SYNGR2: variants seen among roughly 807,000 people sequenced by gnomAD.
SYNGR2 encodes the protein synaptogyrin-2.
Under a neutral mutation model 18.7 loss-of-function variants are expected in SYNGR2, and 11 were observed. That is an observed-to-expected ratio of 0.59 (90% CI 0.37 to 0.97). The LOEUF is 0.97. SYNGR2 is among the 50% of genes least tolerant of loss of function. The pLI, the probability that SYNGR2 is intolerant of heterozygous loss-of-function variation, is 0.01. For missense variants in SYNGR2, 253 were observed against 300.7 expected (o/e 0.84, Z 1.17); for synonymous variants, 127 against 131.0 (o/e 0.97, Z 0.21).
Position 78,172,202 on chromosome 17 carries a change from G to A in SYNGR2, c.*266G>A. The A allele has an allele frequency of 1.3e-6, 1 of 750,472 alleles. No homozygotes were observed. The highest frequency in any genetic ancestry group is 2.1e-6 in the Non-Finnish European group (1 of 479,806). The allele number at this position is 750,472 out of a possible 1,614,324, so 46.5% of individuals were successfully genotyped here. On this transcript the variant is annotated 3_prime_UTR_variant, in exon 4 of 4. Transcript: ENST00000225777. ...GCTAGTGTTTTTCCTCGCTTTTAAT[G>A]ACCTCAGCCCCGCCTGCAGTGGCTA...
rs201164319 is a variant in SYNGR2, at chr17:78,171,767, G to A, written c.506G>A (p.Arg169His). Residue 169 changes from arginine (R) to histidine (H), a missense_variant, in exon 4 of 4, where the codon CGC becomes CAC. Physicochemically the swap from Arg to His is conservative, Grantham distance 29. Transcript: ENST00000225777. The surrounding 1 kb of genome is among the most constrained non-coding windows in gnomAD (Gnocchi z 6.6). ...WGVLASLAYQ[R>H]YKAGVDDFIQ... ...GTGCTGGCCTCCCTGGCCTACCAGC[G>A]CTACAAGGCTGGCGTGGACGACTTC... The A allele has an allele frequency of 1.5e-4, 241 of 1,614,020 alleles. 3 individuals carry two copies. The East Asian group carries it at 2.3e-3, about 16-fold the overall frequency.
intron 1 of SYNGR2, chr17:78,169,638 G>GA (rs1338097612): frequency 2.6e-5 from 4 of 152,410 alleles, no homozygotes; most frequent in Non-Finnish European, 5.9e-5. Context: ...ACTGGCAGGG[G>GA]AGAGTCCTGG....
rs2075664047 is a variant in SYNGR2 at position 78,172,073 on chromosome 17, C to T, written c.*137C>T. On this transcript the variant is annotated 3_prime_UTR_variant, in exon 4 of 4. Transcript: ENST00000225777. The stretch of plus-strand genomic sequence containing the variant: ...CAGCTGACACACAGCTAAGGAGCCT[C>T]ATAGCCTGGCGGGGGCTGGCAGAGC... 2.0e-6 allele frequency: 3 copies of T among 1,488,432 alleles called. No individual in the cohort carries two copies. The highest frequency in any genetic ancestry group is 1.4e-5 in the African/African-American group (1 of 71,688). The allele number at this position is 1,488,432 out of a possible 1,614,324, so 92.2% of individuals were successfully genotyped here.
chr17:78,168,906 C>T (rs903377801), intron 1 of SYNGR2, among the ~76,000 whole-genome samples, 191 bp downstream of exon 1: 1 of 152,206 alleles, frequency 6.6e-6, no homozygotes, highest in Non-Finnish European at 1.5e-5. Flanking sequence ...GCTGTCCCCT[C>T]CCGGTCCCGG....
In SYNGR2 at chr17:78,171,187, T is replaced by G; in HGVS notation, c.337+133T>G. 1 of 902,706 alleles carries G rather than the reference T, an allele frequency of 1.1e-6. No individual in the cohort carries two copies. Among genetic ancestry groups the G allele is most frequent in the Non-Finnish European group, 1.7e-6 (1 of 591,662 alleles). The allele number at this position is 902,706 out of a possible 1,614,324, so 55.9% of individuals were successfully genotyped here. ...CCTCCAGGGCATTTTTAGGAAAGGGTTTTCAGCTAGTGTTTTTCCGTGCTT... is the reference window on the plus strand; with the variant it reads ...CCTCCAGGGCATTTTTAGGAAAGGGGTTTCAGCTAGTGTTTTTCCGTGCTT... On this transcript the variant is annotated intron_variant, in intron 2 of 3. Coordinates refer to ENST00000225777, the MANE Select transcript of SYNGR2 (RefSeq NM_004710.7). The surrounding 1 kb of genome is among the most constrained non-coding windows in gnomAD (Gnocchi z 6.6).
chr17:78,172,105 C>T lies in SYNGR2; in HGVS notation c.*169C>T. On this transcript the variant is annotated 3_prime_UTR_variant, in exon 4 of 4. Transcript: ENST00000225777. Reference sequence around the variant, plus strand: ...TGGCGGGGGCTGGCAGAGCCACACCCCAAGTGCCTGTGCCCAGAGGGCTTC... The same window carrying T: ...TGGCGGGGGCTGGCAGAGCCACACCTCAAGTGCCTGTGCCCAGAGGGCTTC... 6.9e-7 allele frequency: 1 copy of T among 1,440,906 alleles called. No homozygotes were observed. The highest frequency in any genetic ancestry group is 9.1e-7 in the Non-Finnish European group (1 of 1,094,058). The allele number at this position is 1,440,906 out of a possible 1,614,324, so 89.3% of individuals were successfully genotyped here.
rs529949647 is a variant in SYNGR2, at chr17:78,168,703, C to T, written c.87C>T (p.Arg29=). ...TGACGCAGCCGCAGGTGGTGGCGCG[C>T]GCCGTGTGCTTGGTGAGCCCGGGGA... ...RFLTQPQVVA[R]AVCLVFALIV... Residue 29 remains arginine (R), a synonymous_variant, in exon 1 of 4, where the codon CGC becomes CGT. Coordinates refer to ENST00000225777, the MANE Select transcript of SYNGR2 (RefSeq NM_004710.7). The T allele has an allele frequency of 2.2e-5, 26 of 1,201,378 alleles. No individual in the cohort carries two copies. The African/African-American group carries it at 3.6e-4, about 17-fold the overall frequency. The allele number at this position is 1,201,378 out of a possible 1,614,324, so 74.4% of individuals were successfully genotyped here. A position where few individuals can be genotyped will look rare whatever the true frequency, so the allele number is the denominator to read the frequency against.
Position 78,171,679 on chromosome 17 carries a change from CA to C in SYNGR2, c.477+32del. ...GATGGCCAGGGGCCGGTTCTTGGGT[CA>C]AGGGTGGTGGAGGGTGGGGTCCCCC... is the stretch of plus-strand genomic sequence containing the variant. On this transcript the variant is annotated intron_variant, in intron 3 of 3. Transcript: ENST00000225777. The surrounding 1 kb of genome is among the most constrained non-coding windows in gnomAD (Gnocchi z 6.6). 1.2e-6 allele frequency: 2 copies of C among 1,610,998 alleles called. No individual in the cohort carries two copies. Among genetic ancestry groups the C allele is most frequent in the Non-Finnish European group, 1.7e-6 (2 of 1,177,698 alleles).
Position 78,171,705 on chromosome 17 carries a change from C to T in SYNGR2, c.478-34C>T. ...AAGGGTGGTGGAGGGTGGGGTCCCCCACCCACCTGTACCCTGCTGTGCTCC... is the reference window on the plus strand; with the variant it reads ...AAGGGTGGTGGAGGGTGGGGTCCCCTACCCACCTGTACCCTGCTGTGCTCC... On this transcript the variant is annotated intron_variant, in intron 3 of 3. Transcript: ENST00000225777. This position sits in a 1 kb window ranked among gnomAD's most constrained non-coding sequence, Gnocchi z 6.6. 1.2e-6 allele frequency: 2 copies of T among 1,613,452 alleles called. No individual in the cohort carries two copies. The highest frequency in any genetic ancestry group is 8.5e-7 in the Non-Finnish European group (1 of 1,179,578).
At position 78,170,860 on chromosome 17, in the gene SYNGR2, A is replaced by G; in HGVS notation, c.143A>G (p.Tyr48Cys). ...TTCTCCTGCATCTATGGTGAGGGCT[A>G]CAGCAATGCCCACGAGTCTAAGCAG... is the stretch of plus-strand genomic sequence containing the variant. Reference protein sequence around the residue: ...IVFSCIYGEGYSNAHESKQMY... With the variant: ...IVFSCIYGEGCSNAHESKQMY... The change falls in exon 2 of 4, where the codon TAC becomes TGC. Residue 48 changes from tyrosine (Y) to cysteine (C), a missense_variant. Transcript: ENST00000225777. 6.2e-7 allele frequency: 1 copy of G among 1,613,162 alleles called. No individual in the cohort carries two copies. The highest frequency in any genetic ancestry group is 8.5e-7 in the Non-Finnish European group (1 of 1,180,014).
rs2075662903 is a variant in SYNGR2, at chr17:78,171,956, G to A, written c.*20G>A. On this transcript the variant is annotated 3_prime_UTR_variant, in exon 4 of 4. Coordinates refer to ENST00000225777, the MANE Select transcript of SYNGR2 (RefSeq NM_004710.7). This position sits in a 1 kb window ranked among gnomAD's most constrained non-coding sequence, Gnocchi z 6.6. ...TACTGAGCGGCGGTTAGCGTGGGAAGGGGGACAGAGAGGGCCCTCCCCTCT... is the reference window on the plus strand; with the variant it reads ...TACTGAGCGGCGGTTAGCGTGGGAAAGGGGACAGAGAGGGCCCTCCCCTCT... 2.5e-6 allele frequency: 4 copies of A among 1,610,804 alleles called. No individual in the cohort carries two copies. The Admixed American group carries it at 6.7e-5, about 27-fold the overall frequency.
downstream of SYNGR2, chr17:78,172,776 G>T (rs12449983): frequency 0.097 from 14,707 of 152,298 alleles, 1,179 homozygotes; most frequent in Admixed American, 0.22. Flanking sequence ...CTCCACTCTG[G>T]GTACACCCTT....
At position 78,171,788 on chromosome 17, in the gene SYNGR2, A is replaced by G. The variant is rs752883949; in HGVS notation, c.527A>G (p.Asp176Gly). The part of the protein sequence containing the change: ...AYQRYKAGVD[D>G]FIQNYVDPTP... ...CAGCGCTACAAGGCTGGCGTGGACGACTTCATCCAGAATTACGTTGACCCC... is the reference window on the plus strand; with the variant it reads ...CAGCGCTACAAGGCTGGCGTGGACGGCTTCATCCAGAATTACGTTGACCCC... Residue 176 changes from aspartate (D) to glycine (G), a missense_variant, in exon 4 of 4, where the codon GAC becomes GGC. By Grantham distance (94) the Asp-to-Gly change is moderately conservative (BLOSUM62 -1). Coordinates refer to ENST00000225777, the MANE Select transcript of SYNGR2 (RefSeq NM_004710.7). This position sits in a 1 kb window ranked among gnomAD's most constrained non-coding sequence, Gnocchi z 6.6. The G allele has an allele frequency of 4.3e-6, 7 of 1,613,858 alleles. No homozygotes were observed. The African/African-American group carries it at 9.4e-5, about 22-fold the overall frequency.
In SYNGR2 at chr17:78,172,268, G is replaced by A. The variant is rs1331714301; in HGVS notation, c.*332G>A. Reference sequence around the variant, plus strand: ...CCATGTGCTACTGACAAGTGCCTCAGCTTCCCCCCGGCCCGGGTCAGGCCG... The same window carrying A: ...CCATGTGCTACTGACAAGTGCCTCAACTTCCCCCCGGCCCGGGTCAGGCCG... On this transcript the variant is annotated 3_prime_UTR_variant, in exon 4 of 4. Transcript: ENST00000225777. 3.7e-6 allele frequency: 2 copies of A among 535,962 alleles called. No homozygotes were observed. The highest frequency in any genetic ancestry group is 3.0e-5 in the East Asian group (1 of 33,752). The allele number at this position is 535,962 out of a possible 1,614,324, so 33.2% of individuals were successfully genotyped here.
chr17:78,170,801 C>A lies in SYNGR2; in HGVS notation c.100-16C>A. On this transcript the variant is annotated splice_polypyrimidine_tract_variant and intron_variant, in intron 1 of 3. Coordinates refer to ENST00000225777, the MANE Select transcript of SYNGR2 (RefSeq NM_004710.7). ...CAGGCGGCCACCAGCCCTACCAGGT[C>A]CTCCCCTCCCGGCAGGTCTTCGCCT... 6.2e-7 allele frequency: 1 copy of A among 1,600,790 alleles called. No individual in the cohort carries two copies. The highest frequency in any genetic ancestry group is 1.1e-5 in the South Asian group (1 of 90,932).
At position 78,171,992 on chromosome 17, in the gene SYNGR2, T is replaced by G. The variant is rs766184011; in HGVS notation, c.*56T>G. 1 of 1,603,678 alleles carries G rather than the reference T, an allele frequency of 6.2e-7. No individual in the cohort carries two copies. Among genetic ancestry groups the G allele is most frequent in the Non-Finnish European group, 8.5e-7 (1 of 1,179,060 alleles). On this transcript the variant is annotated 3_prime_UTR_variant, in exon 4 of 4. Coordinates refer to ENST00000225777, the MANE Select transcript of SYNGR2 (RefSeq NM_004710.7). The surrounding 1 kb of genome is among the most constrained non-coding windows in gnomAD (Gnocchi z 6.6). The stretch of plus-strand genomic sequence containing the variant: ...AGGGCCCTCCCCTCTGCCCTGGACT[T>G]TCCCATGAGCCTCCTGGAACTGCCA...
chr17:78,169,117 CG>C (rs1261837497), intron 1 of SYNGR2: 9 of 154,062 alleles, frequency 5.8e-5, no homozygotes, highest in Middle Eastern at 3.3e-3. Flanking sequence ...AGGGAGGGGG[CG>C]GGGGGCGACC....
In SYNGR2 at chr17:78,171,023, G is replaced by A. The variant is rs374228619; in HGVS notation, c.306G>A (p.Lys102=). 175 of 1,613,226 alleles carry A rather than the reference G, an allele frequency of 1.1e-4. No homozygotes were observed. The highest frequency in any genetic ancestry group is 4.9e-4 in the Middle Eastern group (3 of 6,084). ...AGATCAGCAACGCCACTGACCGCAA[G>A]TACCTGGTCATTGGTGACCTGCTCT... The part of the protein sequence containing the change: ...FPQISNATDR[K]YLVIGDLLFS... Residue 102 remains lysine (K), a synonymous_variant, in exon 2 of 4, where the codon AAG becomes AAA. Coordinates refer to ENST00000225777, the MANE Select transcript of SYNGR2 (RefSeq NM_004710.7). This position sits in a 1 kb window ranked among gnomAD's most constrained non-coding sequence, Gnocchi z 6.6.
chr17:78,168,941 G>A (rs1435055285), intron 1 of SYNGR2, among the ~76,000 whole-genome samples: 2 of 144,554 alleles, frequency 1.4e-5, no homozygotes, highest in African/African-American at 2.5e-5. Context: ...CCCACCCCCA[G>A]CCTCGCGCCC....
Sources: gnomAD v4.1 joint callset for allele counts (sites outside exome capture counted in the v4.1 genomes callset) on GRCh38, gnomAD v4.1.1 for gene constraint, Gnocchi (gnomAD v3.1) non-coding constraint, MANE v1.5 for transcripts, NCBI Gene and HGNC (gene_info 2026-07-23, HGNC 2026-07-21) for gene names.